The following GALNT17 variants were observed in gnomAD, a reference collection of about 807,000 sequenced individuals.
The protein encoded by GALNT17 is UDP-GalNAc:polypeptide N-acetylgalactosaminyltransferase-like 3.
In GALNT17, 29 loss-of-function variants were observed where a neutral mutation model predicts 63.7. The ratio of observed to expected loss-of-function variants is 0.46; its 90% CI spans 0.34 to 0.62. The LOEUF (loss-of-function observed/expected upper bound fraction) is 0.62. GALNT17 is among the 20% of genes least tolerant of loss of function. The probability of loss-of-function intolerance (pLI) is 0.01; values close to 1 mark genes in which losing one functional copy is unlikely to be tolerated. For synonymous variants in GALNT17, 305 were observed against 318.3 expected, an observed-to-expected ratio of 0.96 and a Z score of 0.45; for missense variants, 603 against 799.6, an observed-to-expected ratio of 0.75 and a Z score of 2.97.
At chr7:71,266,709 C>T (rs916243050) in intron 1 of GALNT17, among the ~76,000 whole-genome samples, 1 of 151,980 alleles carries the variant, frequency 6.6e-6, no homozygotes, top group Non-Finnish European at 1.5e-5. Flanking sequence ...CATGATTGAG[C>T]GTATTGTAGG....
chr7:71,511,437 T>C (rs1214472658), intron 5 of GALNT17, among the ~76,000 whole-genome samples: 1 of 152,166 alleles, frequency 6.6e-6, no homozygotes, highest in Non-Finnish European at 1.5e-5. Context: ...GGGAAGCCTT[T>C]TGAAGACTTT....
intron 1 of GALNT17, among the ~76,000 whole-genome samples, chr7:71,301,461 A>AT (rs1791196601): frequency 6.7e-6 from 1 of 148,566 alleles, no homozygotes; most frequent in African/African-American, 2.4e-5. Flanking sequence ...TTTAATTATT[A>AT]TAAAAAATAA....
At chr7:71,299,903 T>C (rs1791162592) in intron 1 of GALNT17, among the ~76,000 whole-genome samples, 1 of 152,078 alleles carries the variant, frequency 6.6e-6, no homozygotes, top group African/African-American at 2.4e-5. Flanking sequence ...GTAGCTGGAA[T>C]TACAGGTGCC....
intron 1 of GALNT17, among the ~76,000 whole-genome samples, chr7:71,185,912 A>G (rs981426873): frequency 2.0e-5 from 3 of 152,214 alleles, no homozygotes; most frequent in African/African-American, 7.2e-5. Context: ...AAATATATGA[A>G]GCACAAGCTG....
chr7:71,220,385 T>C (rs1191203769), intron 1 of GALNT17, among the ~76,000 whole-genome samples: 1 of 152,196 alleles, frequency 6.6e-6, no homozygotes, highest in African/African-American at 2.4e-5. Context: ...TTTGGCTTGA[T>C]TGTAGAAAGG....
chr7:71,302,053 T>G (rs1465378501), intron 1 of GALNT17, among the ~76,000 whole-genome samples: 1 of 152,150 alleles, frequency 6.6e-6, no homozygotes, highest in Non-Finnish European at 1.5e-5. Context: ...TGCAGGGACA[T>G]GGATGAAGCT....
At chr7:71,192,642 C>T (rs1398731247) in intron 1 of GALNT17, among the ~76,000 whole-genome samples, 1 of 152,156 alleles carries the variant, frequency 6.6e-6, no homozygotes, top group Non-Finnish European at 1.5e-5. Context: ...GTGAGCCACC[C>T]ACCTTGGCCT....
At chr7:71,603,969 A>T (rs1046983684) in intron 6 of GALNT17, among the ~76,000 whole-genome samples, 1 of 138,366 alleles carries the variant, frequency 7.2e-6, no homozygotes, top group African/African-American at 2.6e-5. Context: ...TACCATGCTA[A>T]GTGCATATAC....
chr7:71,550,646 G>T (rs905672081), intron 5 of GALNT17, among the ~76,000 whole-genome samples: 1 of 152,106 alleles, frequency 6.6e-6, no homozygotes, highest in Non-Finnish European at 1.5e-5. Context: ...CTCCCAAAGT[G>T]CTGGTGGGAT....
intron 6 of GALNT17, among the ~76,000 whole-genome samples, chr7:71,605,383 C>T (rs957379717): frequency 8.6e-5 from 13 of 151,944 alleles, no homozygotes; most frequent in Non-Finnish European, 1.8e-4. Context: ...GTCAAGAGAT[C>T]GAGACCATCC....
chr7:71,174,269 A>G (rs1788596778), intron 1 of GALNT17, among the ~76,000 whole-genome samples: 1 of 152,162 alleles, frequency 6.6e-6, no homozygotes, highest in Non-Finnish European at 1.5e-5. Context: ...TGATACCTTC[A>G]TAGGTTAGCG....
chr7:71,600,105 G>A (rs1789943952), intron 6 of GALNT17, among the ~76,000 whole-genome samples: 1 of 151,964 alleles, frequency 6.6e-6, no homozygotes, highest in Non-Finnish European at 1.5e-5. Flanking sequence ...CCACCTCAAG[G>A]AGATAGAACA....
intron 6 of GALNT17, among the ~76,000 whole-genome samples, chr7:71,613,506 C>A (rs1449186446): frequency 6.6e-6 from 1 of 152,192 alleles, no homozygotes; most frequent in African/African-American, 2.4e-5. Flanking sequence ...TCAGCCAAAT[C>A]CTTCTTTCCA....
chr7:71,345,142 T>G (rs1248235551), intron 2 of GALNT17, among the ~76,000 whole-genome samples: 1 of 116,094 alleles, frequency 8.6e-6, no homozygotes, highest in East Asian at 2.8e-4. Context: ...TTGTTGTTGT[T>G]TTTTGTTTTT....
intron 6 of GALNT17, among the ~76,000 whole-genome samples, chr7:71,614,686 A>G (rs779069756): frequency 5.9e-5 from 9 of 151,626 alleles, no homozygotes; most frequent in Non-Finnish European, 8.8e-5. Flanking sequence ...GGATGGAAGG[A>G]AGGGAGGGAG....
chr7:71,483,851 A>G (rs893020456), intron 5 of GALNT17, among the ~76,000 whole-genome samples: 1 of 152,138 alleles, frequency 6.6e-6, no homozygotes, highest in Non-Finnish European at 1.5e-5. Flanking sequence ...GCTTTAATCT[A>G]TAAACTTTTT....
intron 5 of GALNT17, among the ~76,000 whole-genome samples, chr7:71,426,311 C>A (rs1786760002): frequency 6.6e-6 from 1 of 152,202 alleles, no homozygotes; most frequent in South Asian, 2.1e-4. Context: ...TGTGTGTCCA[C>A]AGCCCTCTCT....
chr7:71,567,496 G>A (rs938555054), intron 5 of GALNT17, among the ~76,000 whole-genome samples: 8 of 152,130 alleles, frequency 5.3e-5, no homozygotes, highest in African/African-American at 1.4e-4. Flanking sequence ...ACGGAGTCTC[G>A]CTCTGTCACC....
chr7:71,137,330 G>A (rs1052760512), intron 1 of GALNT17, among the ~76,000 whole-genome samples: 1 of 151,444 alleles, frequency 6.6e-6, no homozygotes, highest in Non-Finnish European at 1.5e-5. Flanking sequence ...TAGTAGAGAC[G>A]GGGTTTCACC....
Sources: allele counts gnomAD v4.1 joint callset (sites outside exome capture counted in the v4.1 genomes callset), GRCh38; gene constraint gnomAD v4.1.1; transcripts MANE v1.5; gene names NCBI Gene and HGNC (gene_info 2026-07-23, HGNC 2026-07-21).